PIK3R2: variants seen among roughly 807,000 people sequenced by gnomAD.
PIK3R2 encodes phosphatidylinositol 3-kinase regulatory subunit beta.
Under a neutral mutation model 78.5 loss-of-function variants are expected in PIK3R2, and 40 were observed. That is an observed-to-expected ratio of 0.51 (90% CI 0.40 to 0.66). PIK3R2 has a LOEUF of 0.66. Among genes scored for constraint, PIK3R2 ranks in the 30% least tolerant of loss-of-function variants. PIK3R2 has a pLI of 0.00. For synonymous variants in PIK3R2, 473 were observed against 457.7 expected (o/e 1.03, Z -0.43); for missense variants, 880 against 1,026.6 (o/e 0.86, Z 1.95).
chr19:18,168,706 G>GCCCCC lies in PIK3R2; in HGVS notation c.1809-18_1809-17insCCCCC. ...CAGGTGAGTGACCAGGGCCCTCCCC[G>GCCCCC]CCACCGCCCCCCACCCCAGCCAGTA... On this transcript the variant is annotated intron_variant, in intron 14 of 15. Transcript: ENST00000222254. The surrounding 1 kb of genome is among the most constrained non-coding windows in gnomAD (Gnocchi z 4.1). 1 of 920,050 alleles carries GCCCCC rather than the reference G, an allele frequency of 1.1e-6. No homozygotes were observed. The highest frequency in any genetic ancestry group is 1.7e-6 in the Non-Finnish European group (1 of 588,320). 57.0% of individuals were successfully genotyped at this position (920,050 alleles called of 1,614,324 possible).
rs55946610 is a variant in PIK3R2, at chr19:18,157,734, CT to C, written c.322+1550del. Among the ~76,000 whole-genome samples, 1,227 of 127,044 alleles carry C rather than the reference CT, an allele frequency of 9.7e-3. 17 individuals are homozygous for C. The highest frequency in any genetic ancestry group is 0.022 in the African/African-American group (727 of 33,032). The allele number at this position is 127,044 out of a possible 152,430, so 83.3% of individuals were successfully genotyped here. ...CCTCCACCTCCTCCTTGTCCTTTTC[CT>C]TTTTTTTTTTTTTTTTGGCGTTTTC... On this transcript the variant is annotated intron_variant, in intron 2 of 15. Transcript: ENST00000222254.
chr19:18,155,214 A>C (rs980319683), intron 1 of PIK3R2, among the ~76,000 whole-genome samples: 2 of 151,334 alleles, frequency 1.3e-5, no homozygotes, highest in South Asian at 4.2e-4. Context: ...AAAAAAAAAA[A>C]AACTGATTTA....
intron 1 of PIK3R2, among the ~76,000 whole-genome samples, chr19:18,153,858 T>C (rs962290847): frequency 2.0e-5 from 3 of 152,152 alleles, no homozygotes; most frequent in Non-Finnish European, 4.4e-5. Flanking sequence ...CAGGCGGTTT[T>C]CTGGGCATCC....
intron 2 of PIK3R2, among the ~76,000 whole-genome samples, chr19:18,157,068 T>A (rs923526265): frequency 3.9e-5 from 6 of 152,218 alleles, no homozygotes; most frequent in African/African-American, 1.4e-4. Flanking sequence ...TTGAAACCAG[T>A]TGGTCACCCA....
Position 18,156,298 on chromosome 19 carries a change from AG to A in PIK3R2, c.322+99del, listed in dbSNP as rs2043679573. 1 of 969,198 alleles carries A rather than the reference AG, an allele frequency of 1.0e-6. No homozygotes were observed. Among genetic ancestry groups the A allele is most frequent in the Non-Finnish European group, 1.4e-6 (1 of 690,818 alleles). The allele number at this position is 969,198 out of a possible 1,614,324, so 60.0% of individuals were successfully genotyped here. ...GAGGCAATGGGATCTCCAAGGAAGG[AG>A]GAAAAAGGACATTTGGTCATTTGAC... On this transcript the variant is annotated intron_variant, in intron 2 of 15. Coordinates refer to ENST00000222254, the MANE Select transcript of PIK3R2 (RefSeq NM_005027.4). The surrounding 1 kb of genome is among the most constrained non-coding windows in gnomAD (Gnocchi z 4.2).
rs943912900 is a variant in PIK3R2 at position 18,168,960 on chromosome 19, G to A, written c.1979+64G>A. The stretch of plus-strand genomic sequence containing the variant: ...CCAGAGCTCTCATTGAATGCCTGCC[G>A]CGTGCCAGGCCTTGGGAAGGAGTCC... On this transcript the variant is annotated intron_variant, in intron 15 of 15. Transcript: ENST00000222254. This position sits in a 1 kb window ranked among gnomAD's most constrained non-coding sequence, Gnocchi z 4.1. 8.3e-6 allele frequency: 13 copies of A among 1,559,816 alleles called. No individual in the cohort carries two copies. Among genetic ancestry groups the A allele is most frequent in the East Asian group, 2.3e-5 (1 of 43,092 alleles).
rs1369765993 is a variant in PIK3R2, at chr19:18,161,652, G to C, written c.815+157G>C. The stretch of plus-strand genomic sequence containing the variant: ...TTGTGATGACGGAGCGGAGACCTGG[G>C]CTCCTGAGTCGTGGGACAGAAGGTG... On this transcript the variant is annotated intron_variant, in intron 6 of 15. Coordinates refer to ENST00000222254, the MANE Select transcript of PIK3R2 (RefSeq NM_005027.4). The surrounding 1 kb of genome is among the most constrained non-coding windows in gnomAD (Gnocchi z 5.3). 6.6e-6 allele frequency among the ~76,000 whole-genome samples: 1 copy of C among 152,202 alleles called. No individual in the cohort carries two copies. Among genetic ancestry groups the C allele is most frequent in the Non-Finnish European group, 1.5e-5 (1 of 68,024 alleles).
At chr19:18,166,005 G>A (rs981540008) in intron 11 of PIK3R2, 155 bp from the exon 12 acceptor site, 13 of 930,252 alleles carry the variant, frequency 1.4e-5, no homozygotes, top group Non-Finnish European at 2.1e-5. Context: ...AGGCTGAATA[G>A]GAGTTCATTT....
chr19:18,167,006 C>A lies in PIK3R2; in HGVS notation c.1560-124C>A. The A allele has an allele frequency of 1.4e-6, 1 of 694,066 alleles. No individual in the cohort carries two copies. The highest frequency in any genetic ancestry group is 2.3e-6 in the Non-Finnish European group (1 of 434,388). 43.0% of individuals were successfully genotyped at this position (694,066 alleles called of 1,614,324 possible). A position where few individuals can be genotyped will look rare whatever the true frequency, so the allele number is the denominator to read the frequency against. On this transcript the variant is annotated intron_variant, in intron 12 of 15. Coordinates refer to ENST00000222254, the MANE Select transcript of PIK3R2 (RefSeq NM_005027.4). The surrounding 1 kb of genome is among the most constrained non-coding windows in gnomAD (Gnocchi z 4.5). ...AAAATGTTAGCCAGACATGGTGGTG[C>A]ACACCTGTGGTCCCAGCTACTCGGG...
Position 18,156,230 on chromosome 19 carries a change from G to C in PIK3R2, c.322+29G>C. 6.9e-7 allele frequency: 1 copy of C among 1,449,904 alleles called. No individual in the cohort carries two copies. Among genetic ancestry groups the C allele is most frequent in the East Asian group, 2.6e-5 (1 of 38,974 alleles). 89.8% of individuals were successfully genotyped at this position (1,449,904 alleles called of 1,614,324 possible). On this transcript the variant is annotated intron_variant, in intron 2 of 15. Transcript: ENST00000222254. This position sits in a 1 kb window ranked among gnomAD's most constrained non-coding sequence, Gnocchi z 4.2. ...AGCAGCAAGCAGGGGCCCTGGAAAG[G>C]GGGGTGGTCCCCTCAGACCCTTGGT...
Position 18,163,074 on chromosome 19 carries a change from G to T in PIK3R2, c.1217G>T (p.Arg406Leu). The change falls in exon 10 of 16, where the codon CGC (arginine) becomes CTC (leucine). Residue 406 changes from arginine to leucine, a missense_variant. Arg to Leu is a moderately radical substitution (Grantham distance 102). This residue lies in a region of PIK3R2 where 156 missense variants were observed against 241.0 expected (regional missense o/e 0.65). Transcript: ENST00000222254. ...CSVVDLINHYRHESLAQYNAK... is the reference protein window; with the variant it reads ...CSVVDLINHYLHESLAQYNAK... Reference sequence around the variant, plus strand: ...GTTGTGGACCTCATCAATCACTACCGCCACGAGTCTCTGGCCCAGTACAAT... The same window carrying T: ...GTTGTGGACCTCATCAATCACTACCTCCACGAGTCTCTGGCCCAGTACAAT... The T allele has an allele frequency of 6.2e-7, 1 of 1,613,396 alleles. No homozygotes were observed.
In PIK3R2 at chr19:18,168,746, AC is replaced by A. The variant is rs1489914026; in HGVS notation, c.1830del (p.Asp610GlufsTer27). On this transcript the variant is annotated frameshift_variant, in exon 15 of 16. Coordinates refer to ENST00000222254, the MANE Select transcript of PIK3R2 (RefSeq NM_005027.4). LOFTEE classifies it high-confidence loss of function. This position sits in a 1 kb window ranked among gnomAD's most constrained non-coding sequence, Gnocchi z 4.1. ...CCCAGCCAGTACGCACTCATGGAGGACGAGGACGATCTCCCGCACCACGAGG... is the reference window on the plus strand; with the variant it reads ...CCCAGCCAGTACGCACTCATGGAGGAGAGGACGATCTCCCGCACCACGAGG... Reference protein sequence around the residue: ...ETEDQYALMEDEDDLPHHEER... With the variant: ...ETEDQYALMEXEDDLPHHEER... 1 of 1,583,318 alleles carries A rather than the reference AC, an allele frequency of 6.3e-7. No homozygotes were observed. The highest frequency in any genetic ancestry group is 8.6e-7 in the Non-Finnish European group (1 of 1,156,328).
chr19:18,161,641 C>A lies in PIK3R2; in HGVS notation c.815+146C>A, dbSNP rs563805432. On this transcript the variant is annotated intron_variant, in intron 6 of 15. Transcript: ENST00000222254. This position sits in a 1 kb window ranked among gnomAD's most constrained non-coding sequence, Gnocchi z 5.3. ...AAGCTGCGTTCTTGTGATGACGGAG[C>A]GGAGACCTGGGCTCCTGAGTCGTGG... The A allele has an allele frequency of 3.2e-5, 16 of 506,540 alleles. No individual in the cohort carries two copies. The highest frequency in any genetic ancestry group is 2.9e-4 in the African/African-American group (15 of 51,228). The allele number at this position is 506,540 out of a possible 1,614,324, so 31.4% of individuals were successfully genotyped here.
chr19:18,154,318 C>T (rs1006265542), intron 1 of PIK3R2, among the ~76,000 whole-genome samples: 1 of 152,112 alleles, frequency 6.6e-6, no homozygotes, highest in Non-Finnish European at 1.5e-5. Context: ...GCCTCCCCTC[C>T]TCCTCAGCTG....
In PIK3R2 at chr19:18,161,760, G is replaced by A. The variant is rs1040833760; in HGVS notation, c.816-206G>A. 1.1e-4 allele frequency among the ~76,000 whole-genome samples: 16 copies of A among 152,190 alleles called. No individual in the cohort carries two copies. Among genetic ancestry groups the A allele is most frequent in the African/African-American group, 2.7e-4 (11 of 41,448 alleles). ...CAGCTCCGGTACTGGTCTCTCGCTC[G>A]CCTTTGTGTGAGAATCTATGGAGCA... On this transcript the variant is annotated intron_variant, in intron 6 of 15. Transcript: ENST00000222254. This position sits in a 1 kb window ranked among gnomAD's most constrained non-coding sequence, Gnocchi z 5.3.
Position 18,169,139 on chromosome 19 carries a change from G to A in PIK3R2, c.2032G>A (p.Gly678Ser), listed in dbSNP as rs1365387813. Residue 678 changes from glycine (G) to serine (S), a missense_variant, in exon 16 of 16, where the codon GGC becomes AGC. Gly to Ser is a moderately conservative substitution (Grantham distance 56). Around this residue, in one of 3 missense-constraint regions of PIK3R2, gnomAD observed 268 missense variants for 299.1 expected, o/e 0.90. Transcript: ENST00000222254. ...CATCTACCGCACGGCCACCGGCTTC[G>A]GCTTCGCGGAGCCCTACAACCTGTA... ...CVIYRTATGFGFAEPYNLYGS... is the reference protein window; with the variant it reads ...CVIYRTATGFSFAEPYNLYGS... The A allele has an allele frequency of 1.2e-6, 2 of 1,611,782 alleles. No homozygotes were observed. Among genetic ancestry groups the A allele is most frequent in the South Asian group, 1.1e-5 (1 of 91,074 alleles).
chr19:18,162,234 G>A lies in PIK3R2; in HGVS notation c.934G>A (p.Ala312Thr), dbSNP rs758877789. The change falls in exon 8 of 16, where the codon GCC becomes ACC. Residue 312 changes from alanine (A) to threonine (T), a missense_variant. Ala to Thr is a moderately conservative substitution (Grantham distance 58). Around this residue, in one of 3 missense-constraint regions of PIK3R2, gnomAD observed 456 missense variants for 486.6 expected, o/e 0.94. Coordinates refer to ENST00000222254, the MANE Select transcript of PIK3R2 (RefSeq NM_005027.4). ...GCCTAAACCCCCCAAGGCAAAGCCG[G>A]CCTCCACAGTCCTGGCCAATGGAGG... ...LPPKPPKAKPASTVLANGGSP... is the reference protein window; with the variant it reads ...LPPKPPKAKPTSTVLANGGSP... 1.2e-6 allele frequency: 2 copies of A among 1,603,438 alleles called. No homozygotes were observed.
chr19:18,169,287 C>T lies in PIK3R2; in HGVS notation c.2180C>T (p.Ala727Val). Reference protein sequence around the residue: ...RAPGPGPPPAAR With the variant: ...RAPGPGPPPAVR ...CCGGGCCCCGGCCCGCCGCCTGCCG[C>T]CCGCTGAGCACCGAGGACCCGCCCC... is the stretch of plus-strand genomic sequence containing the variant. The change falls in exon 16 of 16, where the codon GCC becomes GTC. Residue 727 changes from alanine to valine, a missense_variant. Physicochemically the swap from Ala to Val is moderately conservative, Grantham distance 64. Around this residue, in one of 3 missense-constraint regions of PIK3R2, gnomAD observed 268 missense variants for 299.1 expected, o/e 0.90. Transcript: ENST00000222254. 1.3e-6 allele frequency: 2 copies of T among 1,496,048 alleles called. No individual in the cohort carries two copies. The highest frequency in any genetic ancestry group is 1.8e-6 in the Non-Finnish European group (2 of 1,128,742). The allele number at this position is 1,496,048 out of a possible 1,614,324, so 92.7% of individuals were successfully genotyped here.
chr19:18,154,916 GAA>G (rs34055192), intron 1 of PIK3R2, among the ~76,000 whole-genome samples: 6 of 137,974 alleles, frequency 4.3e-5, no homozygotes, highest in African/African-American at 5.4e-5. Flanking sequence ...ACCTCTATTG[GAA>G]AAAAAAAAAA....
Sources: gnomAD v4.1 joint callset for allele counts (sites outside exome capture counted in the v4.1 genomes callset) on GRCh38, gnomAD v4.1.1 for gene constraint, gnomAD v4.1.1 regional missense constraint, Gnocchi (gnomAD v3.1) non-coding constraint, MANE v1.5 for transcripts, NCBI Gene and HGNC (gene_info 2026-07-23, HGNC 2026-07-21) for gene names.